Variants in C8orf34 observed in about 807,000 individuals in gnomAD.
C8orf34 encodes the protein chromosome 8 open reading frame 34, also known as uncharacterized protein C8orf34.
In C8orf34, 65 loss-of-function variants were observed where a neutral mutation model predicts 68.3. The ratio of observed to expected loss-of-function variants is 0.95; its 90% CI spans 0.78 to 1.17. The LOEUF (loss-of-function observed/expected upper bound fraction) is 1.17, where lower values mean the gene tolerates loss of function less well. Ranked by LOEUF, C8orf34 falls within the 50% of genes most tolerant of loss-of-function variation. C8orf34 has a pLI of 0.00. For synonymous variants in C8orf34, 244 were observed against 241.2 expected (o/e 1.01, Z -0.11); for missense variants, 664 against 655.4 (o/e 1.01, Z -0.14).
At chr8:68,561,188 T>A (rs923927313) in intron 7 of C8orf34, among the ~76,000 whole-genome samples, 2 of 151,678 alleles carry the variant, frequency 1.3e-5, no homozygotes, top group Non-Finnish European at 2.9e-5. Flanking sequence ...TCCCCATGTT[T>A]CCCAGACTGG....
chr8:68,352,792 C>T (rs1806567713), intron 1 of C8orf34, among the ~76,000 whole-genome samples: 1 of 152,056 alleles, frequency 6.6e-6, no homozygotes, highest in African/African-American at 2.4e-5. Context: ...ACATGCAAAA[C>T]ATTTACAAGG....
chr8:68,675,467 T>A (rs13280146), intron 8 of C8orf34, among the ~76,000 whole-genome samples: 1 of 151,960 alleles, frequency 6.6e-6, no homozygotes, highest in Non-Finnish European at 1.5e-5. Context: ...GCTTTGCTTG[T>A]TTGTTAGGTT....
At chr8:68,548,991 A>C (rs1209240636) in intron 7 of C8orf34, among the ~76,000 whole-genome samples, 1 of 151,834 alleles carries the variant, frequency 6.6e-6, no homozygotes, top group East Asian at 1.9e-4. Context: ...AGGTTAAATA[A>C]GGTTATAAGA....
chr8:68,595,079 C>T (rs1452852496), intron 7 of C8orf34, among the ~76,000 whole-genome samples: 1 of 148,504 alleles, frequency 6.7e-6, no homozygotes. Context: ...TGGCTGACTT[C>T]ATCCAGAGTT....
intron 5 of C8orf34, among the ~76,000 whole-genome samples, chr8:68,520,554 C>G (rs1814706891): frequency 6.6e-6 from 1 of 152,014 alleles, no homozygotes; most frequent in Admixed American, 6.6e-5. Context: ...GGGTTCACAC[C>G]ATTCTCCTGC....
At chr8:68,417,361 G>C (rs1383789002) in intron 1 of C8orf34, among the ~76,000 whole-genome samples, 1 of 151,930 alleles carries the variant, frequency 6.6e-6, no homozygotes, top group Non-Finnish European at 1.5e-5. Context: ...GTTTGTAATA[G>C]CAAATTAGTG....
chr8:68,683,142 GACC>G (rs1159087309), intron 8 of C8orf34, among the ~76,000 whole-genome samples: 2 of 152,024 alleles, frequency 1.3e-5, no homozygotes, highest in Non-Finnish European at 2.9e-5. Context: ...GAGAAATCTG[GACC>G]CCCCAGACTC....
At chr8:68,336,122 G>A (rs1487859689) in intron 1 of C8orf34, among the ~76,000 whole-genome samples, 1 of 151,874 alleles carries the variant, frequency 6.6e-6, no homozygotes, top group East Asian at 1.9e-4. Context: ...TAATATTTGT[G>A]GGTCTCTCTT....
intron 10 of C8orf34, among the ~76,000 whole-genome samples, chr8:68,774,775 T>G (rs895861762): frequency 6.6e-6 from 1 of 151,692 alleles, no homozygotes; most frequent in East Asian, 1.9e-4. Context: ...AATTTAATTT[T>G]GTATGTTTTA....
Position 68,412,671 on chromosome 8 carries a change from C to T in C8orf34, c.328-26828C>T, listed in dbSNP as rs141773078. Among the ~76,000 whole-genome samples the T allele has an allele frequency of 4.9e-4, 75 of 152,212 alleles. 1 individual carries two copies. Among genetic ancestry groups the T allele is most frequent in the South Asian group, 3.5e-3 (17 of 4,822 alleles). On this transcript the variant is annotated intron_variant, in intron 1 of 13. Coordinates refer to ENST00000518698, the MANE Select transcript of C8orf34 (RefSeq NM_052958.4). The stretch of plus-strand genomic sequence containing the variant: ...TCTTTATTGAACTCCTCTTATACAG[C>T]GATTTTTACCTTATTTCCTGTCTCA...
intron 1 of C8orf34, among the ~76,000 whole-genome samples, chr8:68,391,338 C>A (rs1808471269): frequency 1.3e-5 from 2 of 151,960 alleles, no homozygotes; most frequent in African/African-American, 2.4e-5. Flanking sequence ...CAAAAGTTTA[C>A]AAATTCAAAT....
chr8:68,676,296 T>G (rs1820187990), intron 8 of C8orf34, among the ~76,000 whole-genome samples: 1 of 151,978 alleles, frequency 6.6e-6, no homozygotes, highest in Non-Finnish European at 1.5e-5. Context: ...ATCTTGCCAC[T>G]GCATTTCAGT....
intron 1 of C8orf34, among the ~76,000 whole-genome samples, chr8:68,406,790 C>T (rs968692199): frequency 3.9e-5 from 6 of 152,142 alleles, no homozygotes; most frequent in Admixed American, 1.3e-4. Flanking sequence ...CCACCACGTC[C>T]GACCTAGACC....
intron 7 of C8orf34, among the ~76,000 whole-genome samples, chr8:68,606,745 G>T (rs1391471924): frequency 6.6e-6 from 1 of 152,016 alleles, no homozygotes; most frequent in Non-Finnish European, 1.5e-5. Flanking sequence ...GGGTGGGAGG[G>T]CAGAAAGGGA....
intron 1 of C8orf34, among the ~76,000 whole-genome samples, chr8:68,431,851 T>C (rs926578800): frequency 2.0e-5 from 3 of 152,220 alleles, no homozygotes; most frequent in Non-Finnish European, 4.4e-5. Flanking sequence ...TTAGTTGTGG[T>C]ATTTTCATCA....
At chr8:68,516,859 C>T (rs1814541919) in intron 5 of C8orf34, among the ~76,000 whole-genome samples, 1 of 151,952 alleles carries the variant, frequency 6.6e-6, no homozygotes, top group Non-Finnish European at 1.5e-5. Context: ...TCAGGCTGGT[C>T]TCGAACTCCT....
At chr8:68,803,126 A>G (rs1824380422) in intron 12 of C8orf34, among the ~76,000 whole-genome samples, 1 of 152,114 alleles carries the variant, frequency 6.6e-6, no homozygotes, top group African/African-American at 2.4e-5. Context: ...ATACAAGAGG[A>G]AACACTTCCC....
chr8:68,412,573 C>T (rs977629496), intron 1 of C8orf34, among the ~76,000 whole-genome samples: 17 of 152,222 alleles, frequency 1.1e-4, no homozygotes, highest in Admixed American at 3.9e-4. Context: ...CCTCTTCACC[C>T]GCTAATACTA....
intron 7 of C8orf34, among the ~76,000 whole-genome samples, chr8:68,596,750 G>C (rs1270336670): frequency 2.0e-5 from 3 of 152,072 alleles, no homozygotes; most frequent in African/African-American, 7.2e-5. Flanking sequence ...CATGGAGGTA[G>C]ACATTATCTC....
Sources: gnomAD v4.1 joint callset for allele counts (sites outside exome capture counted in the v4.1 genomes callset) on GRCh38, gnomAD v4.1.1 for gene constraint, MANE v1.5 for transcripts, NCBI Gene and HGNC (gene_info 2026-07-23, HGNC 2026-07-21) for gene names.